TDRD7: variants seen among roughly 807,000 people sequenced by gnomAD.
TDRD7 encodes the protein tudor domain-containing protein 7.
A neutral mutation model predicts 109.8 loss-of-function variants in TDRD7; 47 were observed. That is an observed-to-expected ratio of 0.43 (90% CI 0.34 to 0.55). TDRD7 has a LOEUF of 0.55. Ranked by LOEUF, TDRD7 falls within the 20% of genes least tolerant of loss-of-function variation. TDRD7 has a pLI of 0.03. For synonymous variants in TDRD7, 424 were observed against 457.3 expected (o/e 0.93, Z 0.93); for missense variants, 1,164 against 1,319.2 (o/e 0.88, Z 1.82).
chr9:97,478,007 G>T (rs900265419), intron 12 of TDRD7, among the ~76,000 whole-genome samples: 1 of 152,018 alleles, frequency 6.6e-6, no homozygotes, highest in Non-Finnish European at 1.5e-5. Flanking sequence ...ACCTGTAATC[G>T]TAGCACTTGG....
Position 97,495,841 on chromosome 9 carries a change from T to C in TDRD7, c.3255T>C (p.Asp1085=). The part of the protein sequence containing the change: ...SLPDTDTWIH[D]FMSEYLIELS... ...CAGACACCGATACCTGGATTCATGA[T>C]TTTATGTCAGAGTATCTGATAGAGC... Residue 1085 remains aspartate (D), a synonymous_variant, in exon 17 of 17, where the codon GAT becomes GAC. Coordinates refer to ENST00000355295, the MANE Select transcript of TDRD7 (RefSeq NM_014290.3). The C allele has an allele frequency of 6.2e-7, 1 of 1,614,182 alleles. No individual in the cohort carries two copies. The highest frequency in any genetic ancestry group is 1.1e-5 in the South Asian group (1 of 91,088).
intron 16 of TDRD7, among the ~76,000 whole-genome samples, chr9:97,490,176 C>T (rs895613276): frequency 3.3e-5 from 5 of 152,170 alleles, no homozygotes; most frequent in South Asian, 2.1e-4. Flanking sequence ...TTCTTTATGT[C>T]GATATTAATT....
chr9:97,460,066 A>G (rs966503432), intron 6 of TDRD7, 112 bp from the exon 7 acceptor site: 3 of 912,162 alleles, frequency 3.3e-6, no homozygotes, highest in African/African-American at 3.3e-5. Context: ...TAAATCGTAC[A>G]CTTGATTAAT....
chr9:97,492,884 G>T (rs1452669541), intron 16 of TDRD7, among the ~76,000 whole-genome samples: 1 of 152,122 alleles, frequency 6.6e-6, no homozygotes, highest in Admixed American at 6.5e-5. Flanking sequence ...GTCTCTCTTG[G>T]GCCAACATAG....
At chr9:97,431,857 A>T (rs1828109432) in intron 3 of TDRD7, among the ~76,000 whole-genome samples, 168 bp from the exon 4 acceptor site, 2 of 152,162 alleles carry the variant, frequency 1.3e-5, no homozygotes, top group African/African-American at 4.8e-5. Context: ...AATACTCACC[A>T]ATCTATTCTT....
At chr9:97,415,251 C>G (rs776989544) in intron 1 of TDRD7, among the ~76,000 whole-genome samples, 1 of 152,102 alleles carries the variant, frequency 6.6e-6, no homozygotes, top group Non-Finnish European at 1.5e-5. Context: ...AATAGTTGAG[C>G]AAGAAGAAAC....
chr9:97,431,688 A>G (rs892968587), intron 3 of TDRD7, among the ~76,000 whole-genome samples: 1 of 152,150 alleles, frequency 6.6e-6, no homozygotes, highest in Non-Finnish European at 1.5e-5. Flanking sequence ...ACCGCAAACA[A>G]TGGGTAGAAT....
At chr9:97,490,634 C>T (rs183715881) in intron 16 of TDRD7, among the ~76,000 whole-genome samples, 33 of 148,966 alleles carry the variant, frequency 2.2e-4, no homozygotes, top group Admixed American at 2.0e-3. Flanking sequence ...TGGAGAAATT[C>T]TCAGTCATTA....
chr9:97,478,339 C>T (rs1829058842), intron 12 of TDRD7, 100 bp from the exon 13 acceptor site: 1 of 1,346,106 alleles, frequency 7.4e-7, no homozygotes, highest in Non-Finnish European at 1.1e-6. Context: ...TAGTCTGTTC[C>T]TTTTAATATG....
intron 14 of TDRD7, among the ~76,000 whole-genome samples, chr9:97,481,412 T>C (rs1020994304): frequency 1.3e-5 from 2 of 152,252 alleles, no homozygotes; most frequent in African/African-American, 4.8e-5. Flanking sequence ...GCCATACTTA[T>C]TTCACTAGCT....
At chr9:97,435,573 G>A (rs1356691869) in intron 4 of TDRD7, among the ~76,000 whole-genome samples, 1 of 151,312 alleles carries the variant, frequency 6.6e-6, no homozygotes, top group Non-Finnish European at 1.5e-5. Flanking sequence ...GAGTTCCAGG[G>A]TACAGTGAGT....
intron 15 of TDRD7, among the ~76,000 whole-genome samples, chr9:97,486,387 G>C (rs1829212237): frequency 6.6e-6 from 1 of 152,168 alleles, no homozygotes. Flanking sequence ...TGTAGCTTCT[G>C]TAGGGGTAAG....
intron 6 of TDRD7, among the ~76,000 whole-genome samples, chr9:97,446,876 ACAG>A (rs1438172036): frequency 6.6e-6 from 1 of 152,212 alleles, no homozygotes; most frequent in Non-Finnish European, 1.5e-5. Context: ...TGGAACATAA[ACAG>A]CAATCGATAT....
chr9:97,450,669 A>G (rs2118425453), intron 6 of TDRD7, among the ~76,000 whole-genome samples: 1 of 152,296 alleles, frequency 6.6e-6, no homozygotes, highest in Admixed American at 6.5e-5. Flanking sequence ...TTCTTGTGGG[A>G]TACATATAGT....
intron 6 of TDRD7, among the ~76,000 whole-genome samples, chr9:97,457,658 G>T (rs554674341): frequency 6.6e-6 from 1 of 152,150 alleles, no homozygotes; most frequent in Non-Finnish European, 1.5e-5. Context: ...GATTACAGGT[G>T]TGAGCCACTG....
intron 1 of TDRD7, among the ~76,000 whole-genome samples, chr9:97,424,312 T>C (rs1451887932): frequency 6.6e-6 from 1 of 152,086 alleles, no homozygotes; most frequent in African/African-American, 2.4e-5. Flanking sequence ...CACCTCGGCC[T>C]CCCAAAGTGC....
At chr9:97,453,177 A>G (rs1164060994) in intron 6 of TDRD7, among the ~76,000 whole-genome samples, 1 of 152,214 alleles carries the variant, frequency 6.6e-6, no homozygotes, top group Non-Finnish European at 1.5e-5. Context: ...CACCCACTTC[A>G]GAGAAAGTAT....
Position 97,441,869 on chromosome 9 carries a change from T to G in TDRD7, c.849T>G (p.Ile283Met). Residue 283 changes from isoleucine to methionine, a missense_variant, in exon 6 of 17, where the codon ATT (isoleucine) becomes ATG (methionine). Ile to Met is a conservative substitution (Grantham distance 10). Around this residue, in one of 5 missense-constraint regions of TDRD7, gnomAD observed 407 missense variants for 394.0 expected, o/e 1.03. Transcript: ENST00000355295. ...AACAGTTTGAACACTGGCCTCATAT[T>G]TGCACGGTATGTTTTTCCTTATTCC... ...ILQQFEHWPH[I>M]CTVEKPCSGG... 1 of 1,613,346 alleles carries G rather than the reference T, an allele frequency of 6.2e-7. No homozygotes were observed.
At chr9:97,452,479 G>C (rs1417581315) in intron 6 of TDRD7, among the ~76,000 whole-genome samples, 3 of 152,090 alleles carry the variant, frequency 2.0e-5, no homozygotes, top group Non-Finnish European at 4.4e-5. Flanking sequence ...TGAGATAAAA[G>C]AATAAACCAT....
Sources: allele counts gnomAD v4.1 joint callset (sites outside exome capture counted in the v4.1 genomes callset), GRCh38; gene constraint gnomAD v4.1.1; regional missense constraint gnomAD v4.1.1; transcripts MANE v1.5; gene names NCBI Gene and HGNC (gene_info 2026-07-23, HGNC 2026-07-21).